Variants in BMPER observed in about 807,000 individuals in gnomAD.
BMPER encodes BMP binding endothelial regulator, also known as BMP-binding endothelial regulator protein.
Under a neutral mutation model 87.3 loss-of-function variants are expected in BMPER, and 45 were observed. That is an observed-to-expected ratio of 0.52 (90% CI 0.41 to 0.66). The LOEUF (loss-of-function observed/expected upper bound fraction) is 0.66, where lower values mean the gene tolerates loss of function less well. Among genes scored for constraint, BMPER ranks in the 30% least tolerant of loss-of-function variants. The probability of loss-of-function intolerance (pLI) is 0.00; values close to 1 mark genes in which losing one functional copy is unlikely to be tolerated. For synonymous variants in BMPER, 326 were observed against 316.2 expected, an observed-to-expected ratio of 1.03 and a Z score of -0.33; for missense variants, 784 against 867.5, an observed-to-expected ratio of 0.90 and a Z score of 1.21.
intron 3 of BMPER, among the ~76,000 whole-genome samples, chr7:33,940,764 A>C (rs1784731192): frequency 6.6e-6 from 1 of 150,706 alleles, no homozygotes; most frequent in South Asian, 2.1e-4. Flanking sequence ...TTTGCTGATA[A>C]TAGTTTACTT....
chr7:33,997,610 T>C (rs1468305659), intron 6 of BMPER, among the ~76,000 whole-genome samples: 1 of 152,214 alleles, frequency 6.6e-6, no homozygotes, highest in Non-Finnish European at 1.5e-5. Context: ...ATTAAACCTC[T>C]TTCCTCTATA....
intron 6 of BMPER, among the ~76,000 whole-genome samples, chr7:33,980,376 C>T (rs1303927293): frequency 6.6e-6 from 1 of 152,180 alleles, no homozygotes; most frequent in Non-Finnish European, 1.5e-5. Flanking sequence ...TTCTTTCCTA[C>T]CACTGAAGCA....
At chr7:34,028,621 T>TTTTTTTTTTTTTTTTG in intron 6 of BMPER, among the ~76,000 whole-genome samples, 1 of 135,818 alleles carries the variant, frequency 7.4e-6, no homozygotes, top group African/African-American at 2.9e-5. Flanking sequence ...TTTTTTTTTT[T>TTTTTTTTTTTTTTTTG]TTTTTTTTTT....
chr7:34,139,292 C>T (rs1220192203), intron 13 of BMPER, among the ~76,000 whole-genome samples: 1 of 152,190 alleles, frequency 6.6e-6, no homozygotes, highest in Non-Finnish European at 1.5e-5. Flanking sequence ...CAAGAGGCTG[C>T]CAAAATACAG....
chr7:34,152,084 T>G (rs1307138898), intron 14 of BMPER, among the ~76,000 whole-genome samples: 3 of 152,210 alleles, frequency 2.0e-5, no homozygotes, highest in Non-Finnish European at 4.4e-5. Context: ...GGCAAACCAG[T>G]TCTATCTTTA....
Position 34,031,600 on chromosome 7 carries a change from G to T in BMPER, c.577-14706G>T, listed in dbSNP as rs988010297. 2.6e-5 allele frequency among the ~76,000 whole-genome samples: 4 copies of T among 151,902 alleles called. No homozygotes were observed. In the East Asian group the frequency reaches 7.8e-4, roughly 30 times the overall value. ...TCACCACAGCTCTGTACCTTTCATAGCCCCGTTCTCTTGGCCAGTGAAATA... is the reference window on the plus strand; with the variant it reads ...TCACCACAGCTCTGTACCTTTCATATCCCCGTTCTCTTGGCCAGTGAAATA... On this transcript the variant is annotated intron_variant, in intron 6 of 14. Coordinates refer to ENST00000649409, the MANE Select transcript of BMPER (RefSeq NM_001365308.1).
At chr7:34,080,329 T>C (rs1253756827) in intron 12 of BMPER, among the ~76,000 whole-genome samples, 2 of 152,146 alleles carry the variant, frequency 1.3e-5, no homozygotes, top group Non-Finnish European at 2.9e-5. Context: ...TTTTGATAAG[T>C]TGATTTGAGC....
chr7:34,050,488 G>A lies in BMPER; in HGVS notation c.677-1373G>A, dbSNP rs149396846. Reference sequence around the variant, plus strand: ...CCTGGCCTTGAGGTTGGCTATGATAGGAAGACAGCATGTTTTTCTTGACTC... The same window carrying A: ...CCTGGCCTTGAGGTTGGCTATGATAAGAAGACAGCATGTTTTTCTTGACTC... On this transcript the variant is annotated intron_variant, in intron 7 of 14. Transcript: ENST00000649409. Among the ~76,000 whole-genome samples the A allele has an allele frequency of 2.7e-3, 408 of 152,246 alleles. 4 individuals carry two copies. Among genetic ancestry groups the A allele is most frequent in the African/African-American group, 9.5e-3 (393 of 41,550 alleles).
At chr7:34,111,001 T>G (rs1448374890) in intron 13 of BMPER, among the ~76,000 whole-genome samples, 1 of 152,192 alleles carries the variant, frequency 6.6e-6, no homozygotes, top group Admixed American at 6.5e-5. Context: ...GGTTCAGCAG[T>G]TTTCTTTTAA....
intron 3 of BMPER, among the ~76,000 whole-genome samples, chr7:33,953,089 C>T (rs563285332): frequency 6.6e-6 from 1 of 152,188 alleles, no homozygotes; most frequent in African/African-American, 2.4e-5. Flanking sequence ...CTCTGACTGT[C>T]GGAGAGTGTC....
At chr7:33,985,852 C>T (rs868733195) in intron 6 of BMPER, among the ~76,000 whole-genome samples, 4 of 151,858 alleles carry the variant, frequency 2.6e-5, no homozygotes, top group South Asian at 2.1e-4. Context: ...TGTTAAGATG[C>T]GTTTAAAAAC....
intron 13 of BMPER, among the ~76,000 whole-genome samples, chr7:34,109,795 T>A (rs1435857296): frequency 2.0e-5 from 3 of 152,256 alleles, no homozygotes; most frequent in Non-Finnish European, 4.4e-5. Context: ...TTATTCTAAG[T>A]ATGTCAGCAC....
chr7:34,146,428 G>A (rs1478685111), intron 14 of BMPER, among the ~76,000 whole-genome samples: 1 of 152,082 alleles, frequency 6.6e-6, no homozygotes, highest in Non-Finnish European at 1.5e-5. Context: ...AAGGACTAAT[G>A]GAACCCTAAT....
chr7:33,943,491 G>A (rs1784814296), intron 3 of BMPER, among the ~76,000 whole-genome samples: 1 of 152,038 alleles, frequency 6.6e-6, no homozygotes, highest in Admixed American at 6.6e-5. Context: ...TTCAGTTTTT[G>A]CAAGCTGCAG....
At chr7:34,003,471 G>A (rs560450534) in intron 6 of BMPER, among the ~76,000 whole-genome samples, 55 of 151,784 alleles carry the variant, frequency 3.6e-4, no homozygotes, top group African/African-American at 8.4e-4. Context: ...TGCAGTTTCC[G>A]TTAAATCCTG....
rs557133353 is a variant in BMPER, at chr7:34,107,259, A to T, written c.1745+21167A>T. Among the ~76,000 whole-genome samples the T allele has an allele frequency of 2.0e-5, 3 of 152,322 alleles. No individual in the cohort carries two copies. In the East Asian group the frequency reaches 5.8e-4, roughly 29 times the overall value. ...GAGAAGTTAATCAGAATTAGAATAAATCTTTTCTTTATAGAATTGTTTTTA... is the reference window on the plus strand; with the variant it reads ...GAGAAGTTAATCAGAATTAGAATAATTCTTTTCTTTATAGAATTGTTTTTA... On this transcript the variant is annotated intron_variant, in intron 13 of 14. Coordinates refer to ENST00000649409, the MANE Select transcript of BMPER (RefSeq NM_001365308.1).
chr7:33,970,292 T>G (rs1785508984), intron 4 of BMPER, 37 bp from the exon 5 acceptor site: 6 of 1,597,640 alleles, frequency 3.8e-6, no homozygotes, highest in Non-Finnish European at 4.3e-6. Flanking sequence ...CCGTGGGAAT[T>G]CTGGGCTGAC....
chr7:34,143,103 A>C (rs971771192), intron 13 of BMPER, 127 bp from the exon 14 acceptor site: 121 of 1,385,660 alleles, frequency 8.7e-5, no homozygotes, highest in Non-Finnish European at 5.7e-5. Context: ...TTAGATTTCC[A>C]GTCTAAAACA....
intron 2 of BMPER, among the ~76,000 whole-genome samples, chr7:33,910,805 A>G (rs1288386502): frequency 6.6e-6 from 1 of 152,160 alleles, no homozygotes; most frequent in Non-Finnish European, 1.5e-5. Context: ...AAAATCTAAT[A>G]TCGCTGAACA....
Sources: allele counts gnomAD v4.1 joint callset (sites outside exome capture counted in the v4.1 genomes callset), GRCh38; gene constraint gnomAD v4.1.1; transcripts MANE v1.5; gene names NCBI Gene and HGNC (gene_info 2026-07-23, HGNC 2026-07-21).